The following ABCC6 variants were observed in gnomAD, a reference collection of about 807,000 sequenced individuals.
ABCC6 encodes ATP-binding cassette sub-family C member 6.
Under a neutral mutation model 169.5 loss-of-function variants are expected in ABCC6, and 126 were observed. The observed-to-expected ratio is 0.74, with a 90% confidence interval of 0.64 to 0.86. The LOEUF is 0.86. Ranked by LOEUF, ABCC6 falls within the 40% of genes least tolerant of loss-of-function variation. The pLI is 0.00. For synonymous variants in ABCC6, 752 were observed against 814.7 expected (o/e 0.92, Z 1.31); for missense variants, 1,733 against 1,927.2 (o/e 0.90, Z 1.89).
chr16:16,207,841 G>C (rs1156379906), intron 7 of ABCC6, among the ~76,000 whole-genome samples: 1 of 151,012 alleles, frequency 6.6e-6, no homozygotes, highest in Non-Finnish European at 1.5e-5. Context: ...GAAGTTTCCA[G>C]AGATGCCACT....
intron 7 of ABCC6, among the ~76,000 whole-genome samples, chr16:16,205,708 T>C (rs4781747): frequency 6.6e-6 from 1 of 152,230 alleles, no homozygotes; most frequent in Non-Finnish European, 1.5e-5. Context: ...CACAGCCATG[T>C]CCATGGCTCC....
intron 10 of ABCC6, among the ~76,000 whole-genome samples, chr16:16,195,514 T>C (rs1724612788): frequency 6.6e-6 from 1 of 151,868 alleles, no homozygotes; most frequent in Admixed American, 6.6e-5. Context: ...GGTTTTGCCA[T>C]GTTGGCCAGG....
rs777473345 is a variant in ABCC6 at position 16,150,558 on chromosome 16, G to C, written c.4403+20C>G. 2.9e-5 allele frequency: 47 copies of C among 1,603,782 alleles called. No individual in the cohort carries two copies. The highest frequency in any genetic ancestry group is 3.2e-5 in the Non-Finnish European group (38 of 1,173,434). On this transcript the variant is annotated intron_variant, in intron 30 of 30. Coordinates refer to ENST00000205557, the MANE Select transcript of ABCC6 (RefSeq NM_001171.6). ...CCACTGCAGGGCTGCTGTGAGGTCA[G>C]GCCGGGGCGGGAGCCTTACCGGGCA...
At chr16:16,173,696 C>CTTTTT (rs763177730) in intron 20 of ABCC6, among the ~76,000 whole-genome samples, 1 of 139,242 alleles carries the variant, frequency 7.2e-6, no homozygotes, top group African/African-American at 2.6e-5. Flanking sequence ...TCAGAATTTT[C>CTTTTT]TTTTTTTTTT....
chr16:16,172,716 G>A (rs1596633989), intron 21 of ABCC6, among the ~76,000 whole-genome samples: 1 of 152,108 alleles, frequency 6.6e-6, no homozygotes, highest in African/African-American at 2.4e-5. Context: ...GGCTAGATAT[G>A]AAAACACAAA....
intron 13 of ABCC6, 78 bp from the exon 14 acceptor site, chr16:16,187,289 T>A: frequency 8.4e-7 from 1 of 1,194,784 alleles, no homozygotes; most frequent in South Asian, 1.3e-5. Flanking sequence ...TCTCAAGATG[T>A]GTGGCAACAG....
chr16:16,153,561 G>C (rs936960838), intron 29 of ABCC6, among the ~76,000 whole-genome samples: 1 of 152,030 alleles, frequency 6.6e-6, no homozygotes, highest in Non-Finnish European at 1.5e-5. Context: ...GGTTTCATGG[G>C]TACAGAGTTG....
intron 2 of ABCC6, chr16:16,221,161 A>G (rs1173967033): frequency 4.1e-6 from 2 of 493,046 alleles, no homozygotes; most frequent in Non-Finnish European, 2.7e-6. Flanking sequence ...AGAATGGAGT[A>G]GAAGAGGATG....
At chr16:16,194,692 ATTTG>A (rs960547627) in intron 10 of ABCC6, among the ~76,000 whole-genome samples, 12 of 151,746 alleles carry the variant, frequency 7.9e-5, no homozygotes, top group African/African-American at 2.2e-4. Context: ...TTATTTATTT[ATTTG>A]TTTGTTTATT....
chr16:16,177,679 A>C (rs748034873), intron 18 of ABCC6, 53 bp from the exon 19 acceptor site: 75 of 1,602,808 alleles, frequency 4.7e-5, no homozygotes, highest in Non-Finnish European at 5.6e-5. Context: ...GCAGTGGCTC[A>C]TGCCTGTAAT....
At chr16:16,151,491 T>C (rs2152208475) in intron 29 of ABCC6, among the ~76,000 whole-genome samples, 1 of 152,334 alleles carries the variant, frequency 6.6e-6, no homozygotes, top group East Asian at 1.9e-4. Flanking sequence ...CTACAATGAC[T>C]GACTGCTGCT....
rs776248626 is a variant in ABCC6 at position 16,203,519 on chromosome 16, G to T, written c.889C>A (p.Arg297Ser). 4.3e-6 allele frequency: 7 copies of T among 1,614,016 alleles called. No individual in the cohort carries two copies. The highest frequency in any genetic ancestry group is 5.1e-6 in the Non-Finnish European group (6 of 1,179,868). The stretch of plus-strand genomic sequence containing the variant: ...TGCCAGATGGCCTTCAGCAGTGGGC[G>T]CCACTGGCTCCCTTCTTGCCGTAGG... ...PFLRQEGSQW[R>S]PLLKAIWQVF... Residue 297 changes from arginine (R) to serine (S), a missense_variant, in exon 8 of 31, where the codon CGC (arginine) becomes AGC (serine). Physicochemically the swap from Arg to Ser is moderately radical, Grantham distance 110. Transcript: ENST00000205557.
chr16:16,186,251 A>G (rs920489347), intron 14 of ABCC6, among the ~76,000 whole-genome samples: 6 of 152,130 alleles, frequency 3.9e-5, no homozygotes, highest in African/African-American at 7.2e-5. Context: ...TCATCGTGCA[A>G]TGGTGCTTGA....
At chr16:16,208,574 A>G (rs138699589) in intron 7 of ABCC6, among the ~76,000 whole-genome samples, 154 bp downstream of exon 7, 5,409 of 151,998 alleles carry the variant, frequency 0.036, 117 homozygotes, top group African/African-American at 0.047. Context: ...GGGTTTCACT[A>G]TGTTGGCCAG....
chr16:16,155,109 C>T (rs1002991387), intron 27 of ABCC6, 78 bp from the exon 28 acceptor site: 7 of 1,488,776 alleles, frequency 4.7e-6, no homozygotes, highest in Non-Finnish European at 6.3e-6. Context: ...TTCTGCTGTA[C>T]CCGAGATCTG....
At chr16:16,212,318 T>C (rs557797459) in intron 5 of ABCC6, 72 bp from the exon 6 acceptor site, 1 of 986,606 alleles carries the variant, frequency 1.0e-6, no homozygotes, top group Admixed American at 1.9e-5. Context: ...GTGTATTTTT[T>C]TTTTTTTCGA....
chr16:16,161,263 C>T (rs540324308), intron 25 of ABCC6, among the ~76,000 whole-genome samples, 175 bp downstream of exon 25: 12 of 152,340 alleles, frequency 7.9e-5, no homozygotes, highest in African/African-American at 2.6e-4. Context: ...CCCAAGGTTG[C>T]AAGTTCACCT....
chr16:16,167,653 G>C (rs1016575286), intron 22 of ABCC6, among the ~76,000 whole-genome samples: 2 of 152,124 alleles, frequency 1.3e-5, no homozygotes, highest in African/African-American at 4.8e-5. Context: ...ATTTTTAGTA[G>C]AGACGGGGTT....
intron 10 of ABCC6, among the ~76,000 whole-genome samples, chr16:16,193,539 C>T (rs370736352): frequency 6.6e-6 from 1 of 152,154 alleles, no homozygotes; most frequent in African/African-American, 2.4e-5. Flanking sequence ...CATAGTGAAA[C>T]ACAGTCTCTA....
Sources: gnomAD v4.1 joint callset for allele counts (sites outside exome capture counted in the v4.1 genomes callset) on GRCh38, gnomAD v4.1.1 for gene constraint, MANE v1.5 for transcripts, NCBI Gene and HGNC (gene_info 2026-07-23, HGNC 2026-07-21) for gene names.